NBAS: variants seen among roughly 807,000 people sequenced by gnomAD.
NBAS encodes NBAS subunit of NRZ tethering complex.
A neutral mutation model predicts 302.5 loss-of-function variants in NBAS; 219 were observed. The ratio of observed to expected loss-of-function variants is 0.72; its 90% CI spans 0.65 to 0.81. NBAS has a LOEUF of 0.81. Among genes scored for constraint, NBAS ranks in the 30% least tolerant of loss-of-function variants. The pLI, the probability that NBAS is intolerant of heterozygous loss-of-function variation, is 0.00. For synonymous variants in NBAS, 1,118 were observed against 1,021.6 expected (o/e 1.09, Z -1.80); for missense variants, 2,932 against 2,841.6 (o/e 1.03, Z -0.72).
chr2:14,927,263 A>G, the NBAS span, among the ~76,000 whole-genome samples: 1 of 152,242 alleles, frequency 6.6e-6, no homozygotes, highest in Non-Finnish European at 1.5e-5. Flanking sequence ...CTCTATAAAT[A>G]CACATCCTAT....
At chr2:15,355,802 T>G (rs1455601374) in intron 33 of NBAS, among the ~76,000 whole-genome samples, 1 of 152,168 alleles carries the variant, frequency 6.6e-6, no homozygotes, top group Non-Finnish European at 1.5e-5. Flanking sequence ...CGGAGGCAGA[T>G]GCTGCCCTAC....
rs748551183 is a variant in NBAS at position 15,234,606 on chromosome 2, G to A, written c.6085C>T (p.Leu2029Phe). Reference sequence around the variant, plus strand: ...ACTATATCCTTGGGTGAGATGTCAAGAGGGCCAACTGCCACCTCTAGCAGC... The same window carrying A: ...ACTATATCCTTGGGTGAGATGTCAAAAGGGCCAACTGCCACCTCTAGCAGC... ...QQLLEVAVGP[L>F]DISPKDIVQS... Residue 2029 changes from leucine (L) to phenylalanine (F), a missense_variant, in exon 46 of 52, where the codon CTT becomes TTT. Transcript: ENST00000281513. 1 of 1,614,142 alleles carries A rather than the reference G, an allele frequency of 6.2e-7. No individual in the cohort carries two copies.
At chr2:15,445,910 T>TA (rs70961414) in intron 21 of NBAS, among the ~76,000 whole-genome samples, 94,327 of 148,046 alleles carry the variant, frequency 0.64, 30,526 homozygotes, top group Middle Eastern at 0.68. Flanking sequence ...TCTCGGAGAT[T>TA]AAAAAAAAAA....
chr2:15,314,260 G>A (rs962407935), intron 38 of NBAS, among the ~76,000 whole-genome samples: 5 of 152,126 alleles, frequency 3.3e-5, no homozygotes, highest in South Asian at 2.1e-4. Context: ...GGAGGCTGAC[G>A]CATGAGAATT....
the NBAS span, among the ~76,000 whole-genome samples, chr2:15,027,675 C>T: frequency 1.4e-4 from 21 of 152,180 alleles, no homozygotes; most frequent in South Asian, 8.3e-4. Flanking sequence ...TATTAAATAA[C>T]GAAGGGAATA....
At chr2:15,205,856 T>C (rs1486614239) in intron 48 of NBAS, among the ~76,000 whole-genome samples, 3 of 152,182 alleles carry the variant, frequency 2.0e-5, no homozygotes, top group Admixed American at 6.5e-5. Context: ...GTTTCCGCCA[T>C]GTGGAACTGT....
chr2:14,805,000 CT>C, the NBAS span, among the ~76,000 whole-genome samples: 1 of 152,190 alleles, frequency 6.6e-6, no homozygotes, highest in Non-Finnish European at 1.5e-5. Flanking sequence ...ACACAAATCC[CT>C]TCATAGTTCA....
At chr2:14,937,896 C>T in the NBAS span, among the ~76,000 whole-genome samples, 7 of 152,020 alleles carry the variant, frequency 4.6e-5, no homozygotes, top group Non-Finnish European at 1.0e-4. Flanking sequence ...TTTTGGAGGG[C>T]AAGGCAGGGA....
At chr2:15,383,015 T>A (rs73914889) in intron 29 of NBAS, among the ~76,000 whole-genome samples, 200 bp downstream of exon 29, 4 of 152,024 alleles carry the variant, frequency 2.6e-5, no homozygotes, top group African/African-American at 9.7e-5. Context: ...ACTAAACAGA[T>A]AGTGTTGCAA....
chr2:15,103,342 A>G, the NBAS span, among the ~76,000 whole-genome samples: 1 of 152,140 alleles, frequency 6.6e-6, no homozygotes, highest in Non-Finnish European at 1.5e-5. Flanking sequence ...TTACCTAGGG[A>G]ACATATTAAA....
intron 9 of NBAS, among the ~76,000 whole-genome samples, chr2:15,511,583 T>C (rs1198927771): frequency 6.6e-6 from 1 of 152,026 alleles, no homozygotes; most frequent in Non-Finnish European, 1.5e-5. Flanking sequence ...GAAATGCAGG[T>C]GGGAACTTAG....
At chr2:15,081,339 C>G in the NBAS span, among the ~76,000 whole-genome samples, 3,979 of 152,216 alleles carry the variant, frequency 0.026, 180 homozygotes, top group African/African-American at 0.091. Flanking sequence ...ATGCCCAAGA[C>G]GGTGTGCTCA....
At chr2:15,101,304 G>A in the NBAS span, among the ~76,000 whole-genome samples, 17 of 152,128 alleles carry the variant, frequency 1.1e-4, no homozygotes, top group Middle Eastern at 6.8e-3. Context: ...GTAAAAAAAA[G>A]TGAGAGCAAA....
At chr2:15,393,717 T>C (rs1299406075) in intron 28 of NBAS, 4 of 470,360 alleles carry the variant, frequency 8.5e-6, no homozygotes, top group African/African-American at 2.0e-5. Flanking sequence ...GACAGAGAAG[T>C]GGTAAACAGG....
In NBAS at chr2:15,349,082, G is replaced by A. The variant is rs374060371; in HGVS notation, c.4179+2910C>T. On this transcript the variant is annotated intron_variant, in intron 35 of 51. Coordinates refer to ENST00000281513, the MANE Select transcript of NBAS (RefSeq NM_015909.4). ...AAAATAACACTAAAGGCACCAAAGT[G>A]CCTGCACAGAAAATGGTGATATGTT... Among the ~76,000 whole-genome samples the A allele has an allele frequency of 2.0e-4, 30 of 152,300 alleles. No homozygotes were observed. The East Asian group carries it at 5.4e-3, about 27-fold the overall frequency.
the NBAS span, among the ~76,000 whole-genome samples, chr2:14,970,789 C>T: frequency 1.3e-5 from 2 of 152,212 alleles, no homozygotes; most frequent in Non-Finnish European, 2.9e-5. Context: ...CAGAGCCAGG[C>T]AGCATTCATT....
chr2:15,314,840 A>G (rs923268856), intron 38 of NBAS, among the ~76,000 whole-genome samples: 6 of 152,352 alleles, frequency 3.9e-5, no homozygotes, highest in African/African-American at 9.6e-5. Flanking sequence ...ATACTACTCA[A>G]TAATTTAAAA....
chr2:15,163,327 T>G (rs1285180391), downstream of NBAS, among the ~76,000 whole-genome samples: 1 of 152,186 alleles, frequency 6.6e-6, no homozygotes, highest in East Asian at 1.9e-4. Flanking sequence ...ATTTGGATCC[T>G]TTCATTTTCT....
chr2:15,103,732 G>A, the NBAS span, among the ~76,000 whole-genome samples: 2 of 152,162 alleles, frequency 1.3e-5, no homozygotes, highest in African/African-American at 4.8e-5. Context: ...GTTTAATACA[G>A]ACAGCCTGGC....
Sources: gnomAD v4.1 joint callset for allele counts (sites outside exome capture counted in the v4.1 genomes callset) on GRCh38, gnomAD v4.1.1 for gene constraint, MANE v1.5 for transcripts, NCBI Gene and HGNC (gene_info 2026-07-23, HGNC 2026-07-21) for gene names.